Variants in ADCY3 observed in about 807,000 individuals in gnomAD.
ADCY3 encodes the protein adenylate cyclase type 3.
ADCY3 carries 70 observed loss-of-function variants against 119.4 expected under a neutral mutation model. That is an observed-to-expected ratio of 0.59 (90% CI 0.48 to 0.72). The LOEUF (loss-of-function observed/expected upper bound fraction) is 0.72. ADCY3 is among the 30% of genes least tolerant of loss of function. The pLI is 0.00. For missense variants in ADCY3, 1,238 were observed against 1,541.6 expected, an observed-to-expected ratio of 0.80 and a Z score of 3.30; for synonymous variants, 672 against 621.4, an observed-to-expected ratio of 1.08 and a Z score of -1.21.
At chr2:24,913,073 C>A (rs1049423295) in intron 2 of ADCY3, among the ~76,000 whole-genome samples, 1 of 152,260 alleles carries the variant, frequency 6.6e-6, no homozygotes, top group Non-Finnish European at 1.5e-5. Flanking sequence ...ATGACGGCTT[C>A]TTTCCCGTCC....
chr2:24,824,490 T>C lies in ADCY3; in HGVS notation c.2624A>G (p.His875Arg). 1.9e-6 allele frequency: 3 copies of C among 1,614,256 alleles called. No homozygotes were observed. The highest frequency in any genetic ancestry group is 2.2e-5 in the South Asian group (2 of 91,088). ...RTLFLWKIEV[H>R]DQKERVYEMR... is the part of the protein sequence containing the mutation. ...CTCATAGACACGTTCCTTCTGGTCG[T>C]GGACCTCAATCTTCCACAAGAAAAG... Residue 875 changes from histidine to arginine, a missense_variant, in exon 17 of 22, where the codon CAC becomes CGC. Physicochemically the swap from His to Arg is conservative, Grantham distance 29 (BLOSUM62 0). Around this residue, in one of 7 missense-constraint regions of ADCY3, gnomAD observed 499 missense variants for 571.0 expected, o/e 0.87. Transcript: ENST00000679454.
At chr2:24,883,048 AG>A (rs1260957119) in intron 2 of ADCY3, among the ~76,000 whole-genome samples, 1 of 151,036 alleles carries the variant, frequency 6.6e-6, no homozygotes, top group Non-Finnish European at 1.5e-5. Context: ...TGATGGAGTG[AG>A]ACCCTGTCTC....
chr2:24,916,458 C>T (rs1475106512), intron 2 of ADCY3, among the ~76,000 whole-genome samples: 1 of 152,134 alleles, frequency 6.6e-6, no homozygotes, highest in African/African-American at 2.4e-5. Flanking sequence ...CCGAGGCGGG[C>T]GGATTATGAG....
Position 24,870,777 on chromosome 2 carries a change from G to A in ADCY3, c.825+1793C>T, listed in dbSNP as rs992857250. ...GTTAGAAAGCAGGCCTCATGGCCCC[G>A]TGCACTCGGCCTACCTCTAAAAAAG... is the stretch of plus-strand genomic sequence containing the variant. On this transcript the variant is annotated intron_variant, in intron 3 of 21. Coordinates refer to ENST00000679454, the MANE Select transcript of ADCY3 (RefSeq NM_004036.5). Among the ~76,000 whole-genome samples, 8 of 152,172 alleles carry A rather than the reference G, an allele frequency of 5.3e-5. 1 individual carries two copies. Among genetic ancestry groups the A allele is most frequent in the Admixed American group, 4.6e-4 (7 of 15,286 alleles).
chr2:24,866,090 C>T (rs888881822), intron 3 of ADCY3, among the ~76,000 whole-genome samples: 1 of 152,108 alleles, frequency 6.6e-6, no homozygotes, highest in Admixed American at 6.5e-5. Context: ...ACCAAGAATC[C>T]AAGCAGAAAG....
intron 2 of ADCY3, among the ~76,000 whole-genome samples, chr2:24,913,356 C>T (rs2149069162): frequency 6.6e-6 from 1 of 152,356 alleles, no homozygotes; most frequent in Admixed American, 6.5e-5. Context: ...GAAGGGGGTG[C>T]CTCCTGTTAT....
Position 24,841,024 on chromosome 2 carries a change from G to A in ADCY3, c.1196+235C>T, listed in dbSNP as rs1460655307. 1.3e-5 allele frequency among the ~76,000 whole-genome samples: 2 copies of A among 152,234 alleles called. No individual in the cohort carries two copies. Among genetic ancestry groups the A allele is most frequent in the Non-Finnish European group, 2.9e-5 (2 of 68,030 alleles). On this transcript the variant is annotated intron_variant, in intron 6 of 21. Transcript: ENST00000679454. The surrounding 1 kb of genome is among the most constrained non-coding windows in gnomAD (Gnocchi z 5.8). ...ACGTGGACTAAGGCTGGAAAAGTGT[G>A]CCCCACAGGCTGGGGGAGCCTCGCA...
At chr2:24,840,447 T>C (rs1049670642) in intron 6 of ADCY3, 3 of 397,512 alleles carry the variant, frequency 7.5e-6, no homozygotes, top group Non-Finnish European at 1.6e-5. Context: ...GGAGAGAATG[T>C]TAGAGTTCCT....
chr2:24,881,500 AC>A (rs575779557), intron 2 of ADCY3, among the ~76,000 whole-genome samples: 1 of 151,428 alleles, frequency 6.6e-6, no homozygotes, highest in Admixed American at 6.6e-5. Context: ...TGCAAAGGAG[AC>A]CCCCCTACAG....
At position 24,842,144 on chromosome 2, in the gene ADCY3, T is replaced by G; in HGVS notation, c.956+110A>C. On this transcript the variant is annotated intron_variant, in intron 4 of 21. Coordinates refer to ENST00000679454, the MANE Select transcript of ADCY3 (RefSeq NM_004036.5). This position sits in a 1 kb window ranked among gnomAD's most constrained non-coding sequence, Gnocchi z 4.9. Reference sequence around the variant, plus strand: ...GATGAATGCTGTGGGAGGCCTTGCTTCTAGTCCCTGGAAAACCTCTTGAAG... The same window carrying G: ...GATGAATGCTGTGGGAGGCCTTGCTGCTAGTCCCTGGAAAACCTCTTGAAG... The G allele has an allele frequency of 6.7e-7, 1 of 1,502,526 alleles. No individual in the cohort carries two copies. The highest frequency in any genetic ancestry group is 1.2e-5 in the South Asian group (1 of 81,766). The allele number at this position is 1,502,526 out of a possible 1,614,324, so 93.1% of individuals were successfully genotyped here.
At position 24,820,807 on chromosome 2, in the gene ADCY3, G is replaced by A. The variant is rs771914767; in HGVS notation, c.3169C>T (p.Arg1057Trp). 4.3e-6 allele frequency: 7 copies of A among 1,613,870 alleles called. No homozygotes were observed. The highest frequency in any genetic ancestry group is 1.3e-5 in the African/African-American group (1 of 74,848). Residue 1057 changes from arginine (R) to tryptophan (W), a missense_variant, in exon 21 of 22, where the codon CGG (arginine) becomes TGG (tryptophan). Arg to Trp is a moderately radical substitution (Grantham distance 101). Around this residue, in one of 7 missense-constraint regions of ADCY3, gnomAD observed 43 missense variants for 77.0 expected, o/e 0.56. Coordinates refer to ENST00000679454, the MANE Select transcript of ADCY3 (RefSeq NM_004036.5). ...GGVLAGVIGA[R>W]KPHYDIWGNT... ...CCCCAGATGTCGTAGTGTGGTTTCC[G>A]GGCTCCGATGACCCCAGCCAGAACC...
chr2:24,843,351 A>T (rs778087552), intron 3 of ADCY3, among the ~76,000 whole-genome samples: 1 of 151,780 alleles, frequency 6.6e-6, no homozygotes, highest in Non-Finnish European at 1.5e-5. Context: ...TCCCACCTCA[A>T]CCTCTGGAGT....
intron 2 of ADCY3, among the ~76,000 whole-genome samples, chr2:24,916,276 G>A (rs547289928): frequency 2.0e-5 from 3 of 152,194 alleles, no homozygotes; most frequent in Non-Finnish European, 4.4e-5. Context: ...CCAGCCCTGT[G>A]GCCATACCTT....
chr2:24,911,677 C>G (rs1482925446), intron 2 of ADCY3, among the ~76,000 whole-genome samples: 1 of 136,660 alleles, frequency 7.3e-6, no homozygotes. Flanking sequence ...CACACACCAC[C>G]AAGCCCAGCT....
At chr2:24,897,935 G>T (rs577735518) in intron 2 of ADCY3, among the ~76,000 whole-genome samples, 2 of 152,256 alleles carry the variant, frequency 1.3e-5, no homozygotes, top group East Asian at 3.9e-4. Flanking sequence ...TTCCTGAAAG[G>T]TAGCAGGGCT....
At chr2:24,838,687 G>A (rs542899657) in intron 7 of ADCY3, 65 bp from the exon 8 acceptor site, 231 of 1,602,578 alleles carry the variant, frequency 1.4e-4, no homozygotes, top group Non-Finnish European at 1.9e-4. Context: ...CCAGGGGACA[G>A]TCCACGGACC....
chr2:24,909,753 C>T (rs1002069383), intron 2 of ADCY3, among the ~76,000 whole-genome samples: 2 of 152,156 alleles, frequency 1.3e-5, no homozygotes, highest in African/African-American at 4.8e-5. Context: ...AGTTCCGTCT[C>T]CCCAGCATCC....
chr2:24,823,428 A>G, intron 17 of ADCY3, 73 bp from the exon 18 acceptor site: 2 of 1,531,528 alleles, frequency 1.3e-6, no homozygotes, highest in Non-Finnish European at 1.8e-6. Flanking sequence ...AAATGCATCT[A>G]TCTTCCATGC....
intron 17 of ADCY3, among the ~76,000 whole-genome samples, chr2:24,823,626 C>T (rs184100739): frequency 1.3e-5 from 2 of 151,350 alleles, no homozygotes; most frequent in Admixed American, 6.6e-5. Flanking sequence ...ACCACAGACA[C>T]ATGTCACCAT....
Sources: gnomAD v4.1 joint callset for allele counts (sites outside exome capture counted in the v4.1 genomes callset) on GRCh38, gnomAD v4.1.1 for gene constraint, gnomAD v4.1.1 regional missense constraint, Gnocchi (gnomAD v3.1) non-coding constraint, MANE v1.5 for transcripts, NCBI Gene and HGNC (gene_info 2026-07-23, HGNC 2026-07-21) for gene names.